Variants in TMEFF2 observed in about 807,000 individuals in gnomAD.
The protein encoded by TMEFF2 is tomoregulin-2.
TMEFF2 carries 28 observed loss-of-function variants against 53.8 expected under a neutral mutation model. That is an observed-to-expected ratio of 0.52 (90% CI 0.39 to 0.71). The LOEUF (loss-of-function observed/expected upper bound fraction) is 0.71, where lower values mean the gene tolerates loss of function less well. TMEFF2 is among the 30% of genes least tolerant of loss of function. TMEFF2 has a pLI of 0.00. For missense variants in TMEFF2, 353 were observed against 455.2 expected, an observed-to-expected ratio of 0.78 and a Z score of 2.04; for synonymous variants, 162 against 166.3, an observed-to-expected ratio of 0.97 and a Z score of 0.20.
At chr2:192,031,295 A>G (rs1047019351) in intron 5 of TMEFF2, 1 of 152,194 alleles carries the variant, frequency 6.6e-6, no homozygotes, top group African/African-American at 2.4e-5. Context: ...GGTAAGCTCA[A>G]TAATGGAACT....
chr2:192,113,891 T>G (rs1315503373), intron 4 of TMEFF2, among the ~76,000 whole-genome samples: 1 of 152,116 alleles, frequency 6.6e-6, no homozygotes, highest in Non-Finnish European at 1.5e-5. Context: ...CAACTGAAGC[T>G]CAGAAAAGGG....
chr2:192,137,655 C>A (rs1690042099), intron 4 of TMEFF2, among the ~76,000 whole-genome samples: 1 of 151,670 alleles, frequency 6.6e-6, no homozygotes, highest in African/African-American at 2.4e-5. Context: ...AGTTCTCAGG[C>A]AAAACAATCT....
chr2:191,961,614 G>C (rs560100992), intron 7 of TMEFF2, among the ~76,000 whole-genome samples: 4 of 152,172 alleles, frequency 2.6e-5, no homozygotes, highest in African/African-American at 7.2e-5. Context: ...CATTGTGCCT[G>C]GGACAGAAAT....
At chr2:192,032,584 T>C (rs1166224346) in intron 5 of TMEFF2, 1 of 152,196 alleles carries the variant, frequency 6.6e-6, no homozygotes. Context: ...CAAGCGGTAA[T>C]ACAAAGAGAC....
chr2:192,155,832 C>A, intron 4 of TMEFF2, among the ~76,000 whole-genome samples: 1 of 151,986 alleles, frequency 6.6e-6, no homozygotes. Flanking sequence ...TGAGGCCTAA[C>A]ACTTGTTTTT....
intron 7 of TMEFF2, among the ~76,000 whole-genome samples, chr2:191,974,472 C>CT (rs565871102): frequency 3.3e-5 from 5 of 151,652 alleles, no homozygotes; most frequent in Admixed American, 6.6e-5. Context: ...AGTATATTGG[C>CT]TTTTTTGCTA....
chr2:192,139,430 A>G (rs1690087028), intron 4 of TMEFF2, among the ~76,000 whole-genome samples: 2 of 152,230 alleles, frequency 1.3e-5, no homozygotes, highest in African/African-American at 4.8e-5. Context: ...AAGAGCAAAG[A>G]TTATGAGAGC....
At chr2:192,069,988 G>A (rs7595897) in intron 4 of TMEFF2, among the ~76,000 whole-genome samples, 51 of 118,794 alleles carry the variant, frequency 4.3e-4, no homozygotes, top group African/African-American at 1.3e-3. Context: ...GTGTGTGTGT[G>A]TATATATATA....
chr2:192,166,202 T>C (rs1690762632), intron 4 of TMEFF2, among the ~76,000 whole-genome samples: 1 of 152,170 alleles, frequency 6.6e-6, no homozygotes. Flanking sequence ...TGACATTGTT[T>C]GTCTTCCGTT....
At chr2:192,017,674 C>T (rs142961822) in intron 5 of TMEFF2, among the ~76,000 whole-genome samples, 1,898 of 152,246 alleles carry the variant, frequency 0.012, 21 homozygotes, top group Non-Finnish European at 0.02. Flanking sequence ...TCCTAATTCC[C>T]CTTTTTCTCT....
At chr2:192,123,777 T>C (rs1288299314) in intron 4 of TMEFF2, among the ~76,000 whole-genome samples, 2 of 152,330 alleles carry the variant, frequency 1.3e-5, no homozygotes, top group Admixed American at 1.3e-4. Context: ...TTGAACAAGC[T>C]AATGGTCACA....
chr2:192,152,552 T>C (rs1424988090), intron 4 of TMEFF2, among the ~76,000 whole-genome samples: 2 of 151,984 alleles, frequency 1.3e-5, no homozygotes, highest in Non-Finnish European at 2.9e-5. Flanking sequence ...CAAAACTTCT[T>C]ATTCACGTTT....
intron 4 of TMEFF2, among the ~76,000 whole-genome samples, chr2:192,109,200 T>C (rs1423074270): frequency 6.6e-6 from 1 of 152,030 alleles, no homozygotes; most frequent in East Asian, 1.9e-4. Context: ...CCCCAGTAAA[T>C]ATATATCAAG....
intron 2 of TMEFF2, among the ~76,000 whole-genome samples, chr2:192,188,538 T>C (rs1691373692): frequency 1.3e-5 from 2 of 152,340 alleles, no homozygotes; most frequent in Admixed American, 1.3e-4. Context: ...AAATGGCAGA[T>C]TCATCAACAA....
At chr2:191,957,591 A>C (rs1404205012) in intron 7 of TMEFF2, among the ~76,000 whole-genome samples, 1 of 152,238 alleles carries the variant, frequency 6.6e-6, no homozygotes, top group Non-Finnish European at 1.5e-5. Context: ...CAGAGCTGCA[A>C]AATATCTATA....
chr2:192,019,039 A>G (rs889718508), intron 5 of TMEFF2, among the ~76,000 whole-genome samples: 1 of 152,110 alleles, frequency 6.6e-6, no homozygotes, highest in Non-Finnish European at 1.5e-5. Flanking sequence ...TCTTCTTAGA[A>G]ATAATTTTAC....
intron 4 of TMEFF2, among the ~76,000 whole-genome samples, chr2:192,170,504 T>C (rs539073272): frequency 6.6e-6 from 1 of 152,076 alleles, no homozygotes; most frequent in South Asian, 2.1e-4. Flanking sequence ...GTTTGTGGCC[T>C]TCACCAAAAG....
chr2:192,007,106 T>A (rs576021396), intron 5 of TMEFF2, among the ~76,000 whole-genome samples: 1 of 152,232 alleles, frequency 6.6e-6, no homozygotes, highest in African/African-American at 2.4e-5. Flanking sequence ...ACATCTTTTT[T>A]CCCTTTCCTA....
At chr2:192,173,364 T>C (rs1690961796) in intron 4 of TMEFF2, among the ~76,000 whole-genome samples, 1 of 151,864 alleles carries the variant, frequency 6.6e-6, no homozygotes, top group East Asian at 1.9e-4. Flanking sequence ...TACATGAACA[T>C]AGGGATTCTT....
Sources: allele counts gnomAD v4.1 joint callset (sites outside exome capture counted in the v4.1 genomes callset), GRCh38; gene constraint gnomAD v4.1.1; transcripts MANE v1.5; gene names NCBI Gene and HGNC (gene_info 2026-07-23, HGNC 2026-07-21).